DOCK11: variants seen among roughly 807,000 people sequenced by gnomAD.
DOCK11 encodes the protein dedicator of cytokinesis 11, also known as dedicator of cytokinesis protein 11.
DOCK11 carries 70 observed loss-of-function variants against 169.1 expected under a neutral mutation model. The ratio of observed to expected loss-of-function variants is 0.41; its 90% CI spans 0.34 to 0.51. The LOEUF (loss-of-function observed/expected upper bound fraction) is 0.51. DOCK11 is among the 20% of genes least tolerant of loss of function. DOCK11 has a pLI of 0.10. For missense variants in DOCK11, 1,166 were observed against 1,538.8 expected (o/e 0.76, Z 4.05); for synonymous variants, 529 against 541.3 (o/e 0.98, Z 0.32).
intron 44 of DOCK11, among the ~76,000 whole-genome samples, chrX:118,661,512 A>G (rs1008096648): frequency 2.6e-4 from 29 of 111,719 alleles, no homozygotes; most frequent in African/African-American, 9.4e-4. Context: ...CAGGAAGATT[A>G]CCAGATACTT....
chrX:118,504,267 C>T (rs956447451), intron 1 of DOCK11, among the ~76,000 whole-genome samples: 3 of 111,438 alleles, frequency 2.7e-5, no homozygotes, highest in Non-Finnish European at 5.6e-5. Flanking sequence ...TGGCATTTCC[C>T]ACATTTATTT....
rs774023279 is a variant in DOCK11 at position 118,576,288 on chromosome X, G to A, written c.1390-2237G>A. On this transcript the variant is annotated intron_variant, in intron 12 of 52. Coordinates refer to ENST00000276202, the MANE Select transcript of DOCK11 (RefSeq NM_144658.4). ...CAAAGTGGGTAAGAGTCGCCCTGGG[G>A]TGGGGAGGCATATTCATGCCCCTTG... 1.4e-3 allele frequency among the ~76,000 whole-genome samples: 154 copies of A among 111,455 alleles called. 1 individual carries two copies. The highest frequency in any genetic ancestry group is 4.5e-3 in the African/African-American group (137 of 30,709).
At chrX:118,650,445 G>A (rs1393330809) in intron 41 of DOCK11, among the ~76,000 whole-genome samples, 1 of 111,599 alleles carries the variant, frequency 9.0e-6, no homozygotes, top group Non-Finnish European at 1.9e-5. Flanking sequence ...TACTGTCATG[G>A]TCTGTCCCAT....
intron 1 of DOCK11, among the ~76,000 whole-genome samples, chrX:118,503,927 C>T (rs1274927191): frequency 1.8e-5 from 2 of 111,067 alleles, no homozygotes. Context: ...ACCCCTTGGG[C>T]AGATCCCACT....
At chrX:118,658,799 T>G (rs947088067) in intron 44 of DOCK11, among the ~76,000 whole-genome samples, 47 of 112,012 alleles carry the variant, frequency 4.2e-4, no homozygotes, top group African/African-American at 1.5e-3. Context: ...TAGATCACAT[T>G]CTCCCTTTTT....
At chrX:118,678,043 G>A (rs762323649) in intron 48 of DOCK11, among the ~76,000 whole-genome samples, 1 of 112,284 alleles carries the variant, frequency 8.9e-6, no homozygotes, top group East Asian at 2.8e-4. Context: ...GTTCCCCACA[G>A]GCAACAGACA....
chrX:118,568,255 A>G, intron 10 of DOCK11, 93 bp downstream of exon 10: 1 of 518,328 alleles, frequency 1.9e-6, no homozygotes, highest in Non-Finnish European at 2.9e-6. Context: ...TTTTTCTTGC[A>G]CCAGTGGGGA....
chrX:118,516,085 T>C (rs1224202075), intron 1 of DOCK11, among the ~76,000 whole-genome samples: 1 of 83,844 alleles, frequency 1.2e-5, no homozygotes, highest in East Asian at 3.5e-4. Flanking sequence ...TTCTTTTCTT[T>C]TCTTTTTCTT....
At chrX:118,679,726 G>A (rs938385217) in intron 48 of DOCK11, among the ~76,000 whole-genome samples, 1 of 110,617 alleles carries the variant, frequency 9.0e-6, no homozygotes, top group East Asian at 2.8e-4. Context: ...GCAACAGAGC[G>A]AGACTCCATC....
intron 30 of DOCK11, among the ~76,000 whole-genome samples, 155 bp downstream of exon 30, chrX:118,615,866 T>C (rs1396926749): frequency 8.9e-6 from 1 of 112,321 alleles, no homozygotes; most frequent in African/African-American, 3.2e-5. Context: ...TGCATTTCCT[T>C]CATAATATCA....
intron 16 of DOCK11, among the ~76,000 whole-genome samples, chrX:118,586,615 G>A (rs1262360211): frequency 1.8e-5 from 2 of 111,689 alleles, no homozygotes; most frequent in African/African-American, 6.5e-5. Flanking sequence ...GCTGTAAAAA[G>A]GGTAGCCAGG....
At chrX:118,530,661 T>G (rs1391905899) in intron 1 of DOCK11, among the ~76,000 whole-genome samples, 1 of 112,380 alleles carries the variant, frequency 8.9e-6, no homozygotes, top group Non-Finnish European at 1.9e-5. Context: ...TCAAAAGCTA[T>G]TTCCTCTCTG....
chrX:118,656,438 A>G (rs2016072434), intron 44 of DOCK11, among the ~76,000 whole-genome samples: 1 of 111,358 alleles, frequency 9.0e-6, no homozygotes, highest in African/African-American at 3.3e-5. Context: ...TTCTCCTTTT[A>G]GTATACATAT....
At chrX:118,521,677 A>G (rs1442795721) in intron 1 of DOCK11, among the ~76,000 whole-genome samples, 5 of 112,209 alleles carry the variant, frequency 4.5e-5, no homozygotes, top group Non-Finnish European at 9.4e-5. Flanking sequence ...CATACCCTGG[A>G]GCTCTTGCAA....
intron 1 of DOCK11, among the ~76,000 whole-genome samples, chrX:118,507,645 C>T (rs868442053): frequency 5.4e-5 from 6 of 111,864 alleles, no homozygotes; most frequent in Middle Eastern, 9.3e-3. Context: ...CCACCGTGCC[C>T]GGCCCGTTTT....
intron 1 of DOCK11, among the ~76,000 whole-genome samples, chrX:118,500,557 C>T (rs1466614586): frequency 9.0e-6 from 1 of 111,064 alleles, no homozygotes; most frequent in Non-Finnish European, 1.9e-5. Context: ...CATATCTATA[C>T]ATACATATAC....
chrX:118,542,988 G>A lies in DOCK11; in HGVS notation c.282G>A (p.Lys94=), dbSNP rs1186302185. 2.5e-6 allele frequency: 3 copies of A among 1,208,471 alleles called. No individual in the cohort carries two copies. Among genetic ancestry groups the A allele is most frequent in the Middle Eastern group, 2.3e-4 (1 of 4,373 alleles). ...CTACTGTACCAGAAGATGCTGAAAAGAGGGCCCAGAGTTTATTTGTTAAAG... is the reference window on the plus strand; with the variant it reads ...CTACTGTACCAGAAGATGCTGAAAAAAGGGCCCAGAGTTTATTTGTTAAAG... ...VQSTVPEDAE[K]RAQSLFVKEC... is the part of the protein sequence containing the mutation. The change falls in exon 3 of 53, where the codon AAG becomes AAA. Residue 94 remains lysine (K), a synonymous_variant. Transcript: ENST00000276202.
At chrX:118,641,953 A>C (rs989080221) in intron 39 of DOCK11, among the ~76,000 whole-genome samples, 1 of 110,944 alleles carries the variant, frequency 9.0e-6, no homozygotes, top group East Asian at 2.8e-4. Context: ...TTCTCTAAGT[A>C]ATTAAGTTAA....
Position 118,647,525 on chromosome X carries a change from A to AATATTATATATTATATAATAATATAAT in DOCK11, c.4399-1416_4399-1415insTATATATTATATAATAATATAATATAT, listed in dbSNP as rs1569440361. Among the ~76,000 whole-genome samples, 5 of 47,985 alleles carry AATATTATATATTATATAATAATATAAT rather than the reference A, an allele frequency of 1.0e-4. No homozygotes were observed. The South Asian group carries it at 2.9e-3, about 28-fold the overall frequency. 41.7% of individuals were successfully genotyped at this position (47,985 alleles called of 115,157 possible). The stretch of plus-strand genomic sequence containing the variant: ...TATATTATATAATAATATAATATAT[A>AATATTATATATTATATAATAATATAAT]ATATAATATTATATATTATATATGT... On this transcript the variant is annotated intron_variant, in intron 40 of 52. Transcript: ENST00000276202.
Sources: gnomAD v4.1 joint callset for allele counts (sites outside exome capture counted in the v4.1 genomes callset) on GRCh38, gnomAD v4.1.1 for gene constraint, MANE v1.5 for transcripts, NCBI Gene and HGNC (gene_info 2026-07-23, HGNC 2026-07-21) for gene names.